The following RHBDD1 variants were observed in gnomAD, a reference collection of about 807,000 sequenced individuals.
RHBDD1 encodes rhomboid-related protein 4.
In RHBDD1, 38 loss-of-function variants were observed where a neutral mutation model predicts 36.3. The ratio of observed to expected loss-of-function variants is 1.05; its 90% CI spans 0.81 to 1.37. The LOEUF is 1.37. RHBDD1 is among the 40% of genes most tolerant of loss of function. RHBDD1 has a pLI of 0.00. For missense variants in RHBDD1, 393 were observed against 377.6 expected (o/e 1.04, Z -0.34); for synonymous variants, 151 against 136.5 (o/e 1.11, Z -0.74).
the RHBDD1 span, among the ~76,000 whole-genome samples, chr2:226,812,010 T>G: frequency 5.9e-5 from 9 of 152,344 alleles, no homozygotes; most frequent in South Asian, 1.7e-3. Flanking sequence ...AGCTCATCTG[T>G]CAATTCTGTC....
At chr2:226,912,093 A>G (rs369011245) in intron 7 of RHBDD1, among the ~76,000 whole-genome samples, 94 of 152,314 alleles carry the variant, frequency 6.2e-4, no homozygotes, top group African/African-American at 2.1e-3. Flanking sequence ...GAAGATACAC[A>G]CATGGCCAAT....
intron 8 of RHBDD1, among the ~76,000 whole-genome samples, chr2:226,928,247 T>G (rs1206112080): frequency 6.6e-6 from 1 of 152,094 alleles, no homozygotes; most frequent in Non-Finnish European, 1.5e-5. Context: ...CAATTGAATA[T>G]GTTTACATCA....
intron 8 of RHBDD1, among the ~76,000 whole-genome samples, chr2:226,939,547 A>G (rs1452130421): frequency 6.6e-6 from 1 of 152,112 alleles, no homozygotes; most frequent in East Asian, 1.9e-4. Flanking sequence ...GCCGAGGAGT[A>G]CAGCTAACAA....
chr2:226,925,274 T>C (rs553962366), intron 8 of RHBDD1, among the ~76,000 whole-genome samples: 127 of 152,342 alleles, frequency 8.3e-4, no homozygotes, highest in African/African-American at 3.1e-3. Flanking sequence ...AATATTTGTT[T>C]TTAAGTTACT....
At chr2:226,868,001 GC>G (rs1338112607) in intron 5 of RHBDD1, among the ~76,000 whole-genome samples, 1 of 152,202 alleles carries the variant, frequency 6.6e-6, no homozygotes, top group Non-Finnish European at 1.5e-5. Flanking sequence ...ACAGGCATGA[GC>G]CACCGCACCC....
intron 8 of RHBDD1, among the ~76,000 whole-genome samples, chr2:226,953,748 A>AAG (rs1951589717): frequency 6.6e-6 from 1 of 152,220 alleles, no homozygotes; most frequent in Non-Finnish European, 1.5e-5. Context: ...ATCTGTGAAC[A>AAG]ACTACAGAGA....
chr2:226,952,624 T>C (rs899431119), intron 8 of RHBDD1, among the ~76,000 whole-genome samples: 2 of 152,202 alleles, frequency 1.3e-5, no homozygotes, highest in Non-Finnish European at 2.9e-5. Flanking sequence ...AAGGTACACA[T>C]AGTATCATCC....
rs548661208 is a variant in RHBDD1, at chr2:226,943,412, G to A, written c.856+29061G>A. Among the ~76,000 whole-genome samples, 20 of 152,248 alleles carry A rather than the reference G, an allele frequency of 1.3e-4. No homozygotes were observed. The South Asian group carries it at 3.1e-3, about 24-fold the overall frequency. On this transcript the variant is annotated intron_variant, in intron 8 of 8. Coordinates refer to ENST00000392062, the MANE Select transcript of RHBDD1 (RefSeq NM_001167608.3). ...GAGGTGACTCTTGAATCATTGCATC[G>A]GGATTCTTTACAGATCAAACCAGAA...
At chr2:226,848,586 A>G (rs1413627271) in intron 3 of RHBDD1, among the ~76,000 whole-genome samples, 1 of 152,128 alleles carries the variant, frequency 6.6e-6, no homozygotes, top group African/African-American at 2.4e-5. Flanking sequence ...TCAAATCACC[A>G]CTCTGAAATC....
At chr2:226,938,926 C>A (rs922389890) in intron 8 of RHBDD1, among the ~76,000 whole-genome samples, 1 of 152,130 alleles carries the variant, frequency 6.6e-6, no homozygotes, top group Admixed American at 6.6e-5. Context: ...AAAAGCTTAT[C>A]CATCAGGATC....
Position 226,864,851 on chromosome 2 carries a change from G to C in RHBDD1, c.158G>C (p.Cys53Ser). 6.2e-7 allele frequency: 1 copy of C among 1,614,220 alleles called. No homozygotes were observed. The highest frequency in any genetic ancestry group is 2.2e-5 in the East Asian group (1 of 44,886). Reference sequence around the variant, plus strand: ...CCTCAGAAGCCACTGTATAGCTCCTGCCTTAGTGTGGAGAAGTGTTACCAG... The same window carrying C: ...CCTCAGAAGCCACTGTATAGCTCCTCCCTTAGTGTGGAGAAGTGTTACCAG... ...LNPQKPLYSS[C>S]LSVEKCYQQK... The change falls in exon 4 of 9, where the codon TGC (cysteine) becomes TCC (serine). Residue 53 changes from cysteine to serine, a missense_variant. Transcript: ENST00000392062.
intron 8 of RHBDD1, among the ~76,000 whole-genome samples, chr2:226,939,153 C>T (rs1442836845): frequency 6.6e-6 from 1 of 152,160 alleles, no homozygotes; most frequent in Non-Finnish European, 1.5e-5. Flanking sequence ...CCATATATTA[C>T]AGACCCACAG....
At position 226,894,296 on chromosome 2, in the gene RHBDD1, G is replaced by A. The variant is rs144611438; in HGVS notation, c.567-12497G>A. On this transcript the variant is annotated intron_variant, in intron 5 of 8. Coordinates refer to ENST00000392062, the MANE Select transcript of RHBDD1 (RefSeq NM_001167608.3). ...TTTTATTTTTATTTTTTGAGACAGA[G>A]TCTCACTGTGTTGCCAGGGTTGGAG... Among the ~76,000 whole-genome samples, 970 of 152,222 alleles carry A rather than the reference G, an allele frequency of 6.4e-3. 15 individuals are homozygous for A. The highest frequency in any genetic ancestry group is 0.022 in the African/African-American group (905 of 41,516).
chr2:226,906,465 A>T (rs1278627591), intron 5 of RHBDD1, among the ~76,000 whole-genome samples: 1 of 152,174 alleles, frequency 6.6e-6, no homozygotes, highest in Non-Finnish European at 1.5e-5. Flanking sequence ...ATGTTTTGTG[A>T]TAAGAGGTAC....
chr2:226,873,181 G>A (rs1944932148), intron 5 of RHBDD1, among the ~76,000 whole-genome samples: 1 of 152,164 alleles, frequency 6.6e-6, no homozygotes, highest in African/African-American at 2.4e-5. Context: ...GGCATTAAGA[G>A]TATTTCTGGA....
chr2:226,835,983 C>T (rs934034000), upstream of RHBDD1: 2 of 152,650 alleles, frequency 1.3e-5, no homozygotes, highest in Admixed American at 1.3e-4. Context: ...AAGGCCCTCC[C>T]CTCCCGCACC....
intron 8 of RHBDD1, among the ~76,000 whole-genome samples, chr2:226,952,569 A>G (rs1575223829): frequency 6.6e-6 from 1 of 152,246 alleles, no homozygotes; most frequent in Non-Finnish European, 1.5e-5. Context: ...AAGTGCTGGC[A>G]TGAGCCACCA....
At chr2:226,870,924 G>A (rs1422667753) in intron 5 of RHBDD1, among the ~76,000 whole-genome samples, 7 of 152,126 alleles carry the variant, frequency 4.6e-5, no homozygotes, top group African/African-American at 1.7e-4. Context: ...GGGTAGCAGA[G>A]GTGGAAGAAG....
chr2:226,809,462 G>A, the RHBDD1 span, among the ~76,000 whole-genome samples: 11 of 152,294 alleles, frequency 7.2e-5, no homozygotes, highest in South Asian at 2.1e-4. Flanking sequence ...AGAGTTTGTA[G>A]GGATAATTAT....
Sources: gnomAD v4.1 joint callset for allele counts (sites outside exome capture counted in the v4.1 genomes callset) on GRCh38, gnomAD v4.1.1 for gene constraint, MANE v1.5 for transcripts, NCBI Gene and HGNC (gene_info 2026-07-23, HGNC 2026-07-21) for gene names.